The following RAPGEF1 variants were observed in gnomAD, a reference collection of about 807,000 sequenced individuals.
The protein encoded by RAPGEF1 is CRK SH3-binding GNRP.
Under a neutral mutation model 143.3 loss-of-function variants are expected in RAPGEF1, and 33 were observed. That is an observed-to-expected ratio of 0.23 (90% CI 0.17 to 0.31). The LOEUF is 0.31. Among genes scored for constraint, RAPGEF1 ranks in the 10% least tolerant of loss-of-function variants. The pLI, the probability that RAPGEF1 is intolerant of heterozygous loss-of-function variation, is 1.00. For missense variants in RAPGEF1, 1,199 were observed against 1,645.4 expected (o/e 0.73, Z 4.69); for synonymous variants, 629 against 676.5 (o/e 0.93, Z 1.09).
At position 131,603,008 on chromosome 9, in the gene RAPGEF1, C is replaced by T. The variant is rs926077988; in HGVS notation, c.2413-859G>A. Among the ~76,000 whole-genome samples, 15 of 152,330 alleles carry T rather than the reference C, an allele frequency of 9.8e-5. 1 individual carries two copies. Among genetic ancestry groups the T allele is most frequent in the South Asian group, 4.1e-4 (2 of 4,830 alleles). On this transcript the variant is annotated intron_variant, in intron 14 of 26. Transcript: ENST00000683357. ...GGACTTCACCATGGGGAGGCTGAGC[C>T]GGGGGGTGCCAGATGCACATGTCAG...
chr9:131,733,346 A>T (rs1719304121), intron 1 of RAPGEF1, among the ~76,000 whole-genome samples: 1 of 93,468 alleles, frequency 1.1e-5, no homozygotes, highest in African/African-American at 4.2e-5. Flanking sequence ...CTTAAAATTT[A>T]AAAAAGCCGG....
intron 1 of RAPGEF1, among the ~76,000 whole-genome samples, chr9:131,674,469 T>C (rs991208441): frequency 1.2e-4 from 18 of 152,228 alleles, no homozygotes; most frequent in African/African-American, 4.3e-4. Context: ...GAACAGGCCC[T>C]GGTCCGGTTC....
At chr9:131,592,769 G>A (rs1323484539) in intron 17 of RAPGEF1, among the ~76,000 whole-genome samples, 4 of 152,124 alleles carry the variant, frequency 2.6e-5, no homozygotes, top group South Asian at 2.1e-4. Flanking sequence ...TATTATTTTC[G>A]AGACAGGGTC....
intron 14 of RAPGEF1, among the ~76,000 whole-genome samples, chr9:131,603,582 T>G (rs1956625376): frequency 6.8e-6 from 1 of 148,128 alleles, no homozygotes; most frequent in Non-Finnish European, 1.5e-5. Flanking sequence ...GGAAGAAGAG[T>G]CCCTCCCTCT....
At chr9:131,596,103 A>G (rs1207599101) in intron 17 of RAPGEF1, among the ~76,000 whole-genome samples, 195 bp downstream of exon 17, 1 of 152,090 alleles carries the variant, frequency 6.6e-6, no homozygotes, top group Non-Finnish European at 1.5e-5. Context: ...GACAGATGCC[A>G]CGCACGCCTG....
At chr9:131,674,076 T>C (rs958352135) in intron 1 of RAPGEF1, among the ~76,000 whole-genome samples, 1 of 152,242 alleles carries the variant, frequency 6.6e-6, no homozygotes, top group African/African-American at 2.4e-5. Context: ...GAAGCCACCT[T>C]TGAAAGCATT....
intron 1 of RAPGEF1, among the ~76,000 whole-genome samples, chr9:131,704,632 G>A (rs972806359): frequency 2.0e-5 from 3 of 152,122 alleles, no homozygotes; most frequent in Non-Finnish European, 4.4e-5. Flanking sequence ...AATTCAATTT[G>A]CAATTACTGC....
chr9:131,604,840 G>A, intron 13 of RAPGEF1, 91 bp downstream of exon 13: 1 of 1,211,436 alleles, frequency 8.3e-7, no homozygotes, highest in Non-Finnish European at 1.1e-6. Context: ...TGTCTTTCAG[G>A]AACGTGAAAC....
intron 1 of RAPGEF1, among the ~76,000 whole-genome samples, chr9:131,714,421 CAG>C (rs1333440202): frequency 6.6e-6 from 1 of 151,550 alleles, no homozygotes; most frequent in Non-Finnish European, 1.5e-5. Context: ...ACCAAAGAAA[CAG>C]AGGCTGGGCT....
At chr9:131,739,716 G>A (rs866144304) in intron 1 of RAPGEF1, 54 bp downstream of exon 1, 46 of 1,041,364 alleles carry the variant, frequency 4.4e-5, no homozygotes, top group Middle Eastern at 9.0e-4. Flanking sequence ...GGGGAGCGGC[G>A]GAGCCCCAGG....
intron 15 of RAPGEF1, among the ~76,000 whole-genome samples, chr9:131,601,350 G>C (rs1457108831): frequency 2.0e-5 from 3 of 152,126 alleles, no homozygotes; most frequent in Admixed American, 2.0e-4. Flanking sequence ...GTAAGTGGAG[G>C]GGGTGTCTTT....
rs189227229 is a variant in RAPGEF1, at chr9:131,640,856, G to A, written c.495-2065C>T. Among the ~76,000 whole-genome samples, 167 of 152,222 alleles carry A rather than the reference G, an allele frequency of 1.1e-3. 2 individuals are homozygous for A. The highest frequency in any genetic ancestry group is 1.5e-4 in the Non-Finnish European group (10 of 68,010). ...AGCATCTAAAAGGAGCATCTGAGGAGGTATTTCCAATCACTGTGGGAGACC... is the reference window on the plus strand; with the variant it reads ...AGCATCTAAAAGGAGCATCTGAGGAAGTATTTCCAATCACTGTGGGAGACC... On this transcript the variant is annotated intron_variant, in intron 4 of 26. Transcript: ENST00000683357.
rs199722111 is a variant in RAPGEF1 at position 131,629,061 on chromosome 9, T to C, written c.893+41A>G. 1.2e-4 allele frequency: 190 copies of C among 1,588,138 alleles called. 2 individuals carry two copies. The Admixed American group carries it at 2.3e-3, about 19-fold the overall frequency. ...CCTGTCTTCCTCCCTTTCTTTCTCA[T>C]TCTGCCATGGGAGGCACTGGACAAA... On this transcript the variant is annotated intron_variant, in intron 7 of 26. Transcript: ENST00000683357.
At chr9:131,673,516 T>C (rs1186322492) in intron 1 of RAPGEF1, among the ~76,000 whole-genome samples, 1 of 152,204 alleles carries the variant, frequency 6.6e-6, no homozygotes, top group Non-Finnish European at 1.5e-5. Flanking sequence ...ACCTTTTACA[T>C]TTAAGATGGA....
At chr9:131,631,005 T>A (rs990062003) in intron 5 of RAPGEF1, among the ~76,000 whole-genome samples, 2 of 151,934 alleles carry the variant, frequency 1.3e-5, no homozygotes, top group African/African-American at 2.4e-5. Flanking sequence ...GACAACTGCA[T>A]ATACCCAAGT....
chr9:131,723,700 C>T lies in RAPGEF1; in HGVS notation c.61+16070G>A, dbSNP rs375699691. On this transcript the variant is annotated intron_variant, in intron 1 of 26. Coordinates refer to ENST00000683357, the MANE Select transcript of RAPGEF1 (RefSeq NM_001377935.1). The stretch of plus-strand genomic sequence containing the variant: ...CATCAGTGGACACCTGGGTCACTTC[C>T]ATCTTTTGGCTGTTGTGAATGATGC... Among the ~76,000 whole-genome samples the T allele has an allele frequency of 2.6e-4, 40 of 152,296 alleles. No individual in the cohort carries two copies. In the South Asian group the frequency reaches 4.6e-3, roughly 17 times the overall value.
chr9:131,733,262 T>C (rs1331629337), intron 1 of RAPGEF1, among the ~76,000 whole-genome samples: 1 of 150,646 alleles, frequency 6.6e-6, no homozygotes, highest in Non-Finnish European at 1.5e-5. Context: ...GACGGGTTGA[T>C]AGGTGCAGCA....
chr9:131,708,784 T>C (rs1372983699), intron 1 of RAPGEF1, among the ~76,000 whole-genome samples: 2 of 151,880 alleles, frequency 1.3e-5, no homozygotes, highest in African/African-American at 4.8e-5. Context: ...CAGGCTGGAG[T>C]GCAGTGGCGC....
intron 1 of RAPGEF1, among the ~76,000 whole-genome samples, chr9:131,691,924 T>C (rs1240877563): frequency 6.6e-6 from 1 of 152,250 alleles, no homozygotes; most frequent in Admixed American, 6.5e-5. Flanking sequence ...AGTTATACTC[T>C]TATGAACAAA....
Sources: allele counts gnomAD v4.1 joint callset (sites outside exome capture counted in the v4.1 genomes callset), GRCh38; gene constraint gnomAD v4.1.1; transcripts MANE v1.5; gene names NCBI Gene and HGNC (gene_info 2026-07-23, HGNC 2026-07-21).